Variants in CERS1 observed in about 807,000 individuals in gnomAD.
CERS1 encodes the protein Embryonic growth/differentiation factor 1.
In CERS1, 16 loss-of-function variants were observed where a neutral mutation model predicts 35.7. That is an observed-to-expected ratio of 0.45 (90% CI 0.30 to 0.68). The LOEUF is 0.68. CERS1 is among the 30% of genes least tolerant of loss of function. The probability of loss-of-function intolerance (pLI) is 0.08; values close to 1 mark genes in which losing one functional copy is unlikely to be tolerated. For synonymous variants in CERS1, 243 were observed against 201.6 expected, an observed-to-expected ratio of 1.21 and a Z score of -1.74; for missense variants, 454 against 453.9, an observed-to-expected ratio of 1.00 and a Z score of 0.00.
rs1412406282 is a variant in CERS1 at position 18,870,313 on chromosome 19, T to C, written c.*264A>G. 6.5e-7 allele frequency: 1 copy of C among 1,544,724 alleles called. No individual in the cohort carries two copies. Among genetic ancestry groups the C allele is most frequent in the Non-Finnish European group, 8.7e-7 (1 of 1,146,246 alleles). On this transcript the variant is annotated 3_prime_UTR_variant, in exon 7 of 8. Coordinates refer to ENST00000623882, the MANE Select transcript of CERS1 (RefSeq NM_021267.5). The surrounding 1 kb of genome is among the most constrained non-coding windows in gnomAD (Gnocchi z 5.1). ...CCTTGCTGCGGCGGTGGCATCTTCC[T>C]CCCAGGCGATGACCAGAGAGTGCGC...
chr19:18,869,986 G>A lies in CERS1; in HGVS notation c.*591C>T. On this transcript the variant is annotated 3_prime_UTR_variant, in exon 7 of 8. Coordinates refer to ENST00000623882, the MANE Select transcript of CERS1 (RefSeq NM_021267.5). ...CCCCAGCGAAAGCCCCACTCACCGCGGTCCGGGATGTGGCGCACGATGTTT... is the reference window on the plus strand; with the variant it reads ...CCCCAGCGAAAGCCCCACTCACCGCAGTCCGGGATGTGGCGCACGATGTTT... 7 of 1,588,926 alleles carry A rather than the reference G, an allele frequency of 4.4e-6. No homozygotes were observed. Among genetic ancestry groups the A allele is most frequent in the African/African-American group, 1.3e-5 (1 of 74,414 alleles).
At chr19:18,882,568 C>T (rs568846009) in intron 3 of CERS1, among the ~76,000 whole-genome samples, 22 of 151,658 alleles carry the variant, frequency 1.5e-4, no homozygotes, top group South Asian at 6.3e-4. Flanking sequence ...ACCTGGGAGC[C>T]GGAGGTTGCA....
chr19:18,891,121 CAAA>C (rs879696067), intron 2 of CERS1, among the ~76,000 whole-genome samples: 3 of 99,746 alleles, frequency 3.0e-5, no homozygotes, highest in Admixed American at 1.1e-4. Context: ...GAGACTGTCT[CAAA>C]AAAAAAAAAA....
intron 1 of CERS1, among the ~76,000 whole-genome samples, chr19:18,893,801 G>C (rs1171791922): frequency 1.3e-5 from 2 of 152,134 alleles, no homozygotes; most frequent in Non-Finnish European, 2.9e-5. Flanking sequence ...AGGGGAGTGA[G>C]GGGGGAGGCC....
At chr19:18,886,036 C>T (rs889651486) in intron 2 of CERS1, among the ~76,000 whole-genome samples, 1 of 152,170 alleles carries the variant, frequency 6.6e-6, no homozygotes, top group African/African-American at 2.4e-5. Flanking sequence ...ATGGGTGACA[C>T]ACCAGCCCAC....
chr19:18,893,799 G>A (rs1220343676), intron 1 of CERS1, among the ~76,000 whole-genome samples: 2 of 152,120 alleles, frequency 1.3e-5, no homozygotes, highest in Non-Finnish European at 2.9e-5. Context: ...GGAGGGGAGT[G>A]AGGGGGGAGG....
At chr19:18,874,921 C>T (rs1236647114) in intron 6 of CERS1, among the ~76,000 whole-genome samples, 1 of 152,174 alleles carries the variant, frequency 6.6e-6, no homozygotes, top group Non-Finnish European at 1.5e-5. Context: ...TCTTGGTTTT[C>T]TGAAGGGTTC....
At chr19:18,871,293 C>G (rs1317301448) in intron 6 of CERS1, among the ~76,000 whole-genome samples, 3 of 149,746 alleles carry the variant, frequency 2.0e-5, no homozygotes, top group Non-Finnish European at 3.0e-5. Flanking sequence ...GTGGCACAAT[C>G]TCAGCTCACT....
chr19:18,878,631 C>T lies in CERS1; in HGVS notation c.1010+299G>A, dbSNP rs1020289709. 4.9e-6 allele frequency: 6 copies of T among 1,212,824 alleles called. No homozygotes were observed. The highest frequency in any genetic ancestry group is 5.2e-6 in the Non-Finnish European group (5 of 964,466). 75.1% of individuals were successfully genotyped at this position (1,212,824 alleles called of 1,614,324 possible). On this transcript the variant is annotated intron_variant, in intron 6 of 7. Coordinates refer to ENST00000623882, the MANE Select transcript of CERS1 (RefSeq NM_021267.5). The surrounding 1 kb of genome is among the most constrained non-coding windows in gnomAD (Gnocchi z 4.6). ...CCTCACCACCCACAGGGCCCTGGCT[C>T]GCCACTCCCGCCACACCAGCCACTA...
chr19:18,894,425 G>A (rs1445010859), intron 1 of CERS1, among the ~76,000 whole-genome samples: 2 of 152,162 alleles, frequency 1.3e-5, no homozygotes, highest in African/African-American at 4.8e-5. Flanking sequence ...CTGCCAAGAA[G>A]ATCAGCTTTG....
chr19:18,872,465 A>G, intron 6 of CERS1, among the ~76,000 whole-genome samples: 1 of 151,162 alleles, frequency 6.6e-6, no homozygotes, highest in African/African-American at 2.4e-5. Context: ...CTCCTGCCTC[A>G]GCCTCCCCAG....
rs773271648 is a variant in CERS1 at position 18,868,729 on chromosome 19, C to T, written c.*1256G>A. 5.8e-5 allele frequency: 89 copies of T among 1,535,448 alleles called. No individual in the cohort carries two copies. The highest frequency in any genetic ancestry group is 1.8e-4 in the Middle Eastern group (1 of 5,682). On this transcript the variant is annotated 3_prime_UTR_variant, in exon 8 of 8. Transcript: ENST00000623882. ...CGCAGCAGGGCAGGTCGGCGGCTCC[C>T]GGGGCGGCCGCGTGCATGAGCGCGC...
Position 18,877,810 on chromosome 19 carries a change from T to G in CERS1, c.1010+1120A>C, listed in dbSNP as rs145387829. 430 of 170,042 alleles carry G rather than the reference T, an allele frequency of 2.5e-3. 5 individuals carry two copies. Among genetic ancestry groups the G allele is most frequent in the African/African-American group, 9.2e-3 (376 of 40,912 alleles). 10.5% of individuals were successfully genotyped at this position (170,042 alleles called of 1,614,324 possible). On this transcript the variant is annotated intron_variant, in intron 6 of 7. Coordinates refer to ENST00000623882, the MANE Select transcript of CERS1 (RefSeq NM_021267.5). ...CTCATGCTCAAAGGACAGCGCAATCTAACACCCTCAAAAGGAGGCTCCTAA... is the reference window on the plus strand; with the variant it reads ...CTCATGCTCAAAGGACAGCGCAATCGAACACCCTCAAAAGGAGGCTCCTAA...
intron 6 of CERS1, among the ~76,000 whole-genome samples, chr19:18,877,051 C>T (rs1395878400): frequency 6.6e-6 from 1 of 152,222 alleles, no homozygotes; most frequent in African/African-American, 2.4e-5. Context: ...GCCTGACTGC[C>T]TTCGTCCCAT....
intron 5 of CERS1, 95 bp downstream of exon 5, chr19:18,879,146 C>G: frequency 6.3e-7 from 1 of 1,591,322 alleles, no homozygotes; most frequent in Non-Finnish European, 8.6e-7. Context: ...CTGTCTGCCA[C>G]CTAACGTGCC....
intron 6 of CERS1, among the ~76,000 whole-genome samples, chr19:18,876,800 A>T (rs2056068205): frequency 6.6e-6 from 1 of 152,220 alleles, no homozygotes; most frequent in African/African-American, 2.4e-5. Flanking sequence ...TTTCCATGGC[A>T]CATGGGTTGC....
At chr19:18,883,964 ACCC>A (rs939529690) in intron 3 of CERS1, 120 bp downstream of exon 3, 2 of 1,070,000 alleles carry the variant, frequency 1.9e-6, no homozygotes, top group African/African-American at 3.2e-5. Flanking sequence ...TGACCTTGGA[ACCC>A]TGAGCACTCC....
rs528508885 is a variant in CERS1 at position 18,893,802 on chromosome 19, G to C, written c.250-227C>G. Among the ~76,000 whole-genome samples, 12 of 152,252 alleles carry C rather than the reference G, an allele frequency of 7.9e-5. No individual in the cohort carries two copies. The East Asian group carries it at 2.1e-3, about 27-fold the overall frequency. On this transcript the variant is annotated intron_variant, in intron 1 of 7. Coordinates refer to ENST00000623882, the MANE Select transcript of CERS1 (RefSeq NM_021267.5). The stretch of plus-strand genomic sequence containing the variant: ...GCCGCGGTGCTGGGAGGGGAGTGAG[G>C]GGGGAGGCCCCGAGGGGAGCAGGAG...
intron 2 of CERS1, 97 bp from the exon 3 acceptor site, chr19:18,884,364 C>T: frequency 8.6e-7 from 1 of 1,161,148 alleles, no homozygotes; most frequent in Non-Finnish European, 1.2e-6. Flanking sequence ...CGTGTCCTCC[C>T]AGTACCCAGG....
Sources: allele counts gnomAD v4.1 joint callset (sites outside exome capture counted in the v4.1 genomes callset), GRCh38; gene constraint gnomAD v4.1.1; non-coding constraint Gnocchi (gnomAD v3.1); transcripts MANE v1.5; gene names NCBI Gene and HGNC (gene_info 2026-07-23, HGNC 2026-07-21).